ZFAND3: variants seen among roughly 807,000 people sequenced by gnomAD.
ZFAND3 encodes zinc finger AN1-type containing 3, also known as AN1-type zinc finger protein 3.
ZFAND3 carries 10 observed loss-of-function variants against 29.6 expected under a neutral mutation model. The observed-to-expected ratio is 0.34, with a 90% CI of 0.21 to 0.57. ZFAND3 has a LOEUF of 0.57. ZFAND3 is among the 20% of genes least tolerant of loss of function. The pLI, the probability that ZFAND3 is intolerant of heterozygous loss-of-function variation, is 0.86. For missense variants in ZFAND3, 230 were observed against 304.5 expected (o/e 0.76, Z 1.82); for synonymous variants, 128 against 112.6 (o/e 1.14, Z -0.87).
chr6:38,112,291 GA>G (rs74628668), intron 4 of ZFAND3, among the ~76,000 whole-genome samples: 1 of 152,136 alleles, frequency 6.6e-6, no homozygotes, highest in South Asian at 2.1e-4. Context: ...AAGCATACTG[GA>G]AAAAAAGAAT....
chr6:38,082,559 T>C, intron 4 of ZFAND3, 102 bp downstream of exon 4: 1 of 1,105,648 alleles, frequency 9.0e-7, no homozygotes, highest in South Asian at 1.4e-5. Flanking sequence ...CTCTGATTTC[T>C]TCCGTCAGTT....
intron 2 of ZFAND3, among the ~76,000 whole-genome samples, chr6:37,980,731 T>G (rs1319662707): frequency 6.6e-6 from 1 of 151,368 alleles, no homozygotes; most frequent in Admixed American, 6.6e-5. Context: ...TTGTCAAGAG[T>G]TTTATGACTT....
rs187715375 is a variant in ZFAND3 at position 38,120,306 on chromosome 6, C to T, written c.529+3567C>T. 1.6e-3 allele frequency among the ~76,000 whole-genome samples: 207 copies of T among 126,430 alleles called. 1 individual carries two copies. Among genetic ancestry groups the T allele is most frequent in the African/African-American group, 5.4e-3 (183 of 33,802 alleles). 82.9% of individuals were successfully genotyped at this position (126,430 alleles called of 152,430 possible). On this transcript the variant is annotated intron_variant, in intron 5 of 5. Transcript: ENST00000287218. The stretch of plus-strand genomic sequence containing the variant: ...CTCTGAGCAGATCTTGATTGATACA[C>T]GTAGCTTGGCTTCCTTTTTTTTTTT...
intron 1 of ZFAND3, among the ~76,000 whole-genome samples, chr6:37,891,079 A>G (rs968430825): frequency 2.6e-5 from 4 of 152,198 alleles, no homozygotes. Flanking sequence ...TCACTTCTCT[A>G]TCCCCCAAAC....
At chr6:37,887,056 A>G (rs115634034) in intron 1 of ZFAND3, among the ~76,000 whole-genome samples, 2,315 of 149,124 alleles carry the variant, frequency 0.016, 28 homozygotes, top group South Asian at 0.049. Flanking sequence ...TCATACTCCT[A>G]TTCCTTAATC....
intron 1 of ZFAND3, among the ~76,000 whole-genome samples, chr6:37,844,203 C>T (rs1038045799): frequency 1.3e-5 from 2 of 152,062 alleles, no homozygotes; most frequent in Admixed American, 6.6e-5. Context: ...GGATTATAGG[C>T]GTGAGCCACT....
At chr6:38,105,667 G>A (rs1030355256) in intron 4 of ZFAND3, among the ~76,000 whole-genome samples, 1 of 152,170 alleles carries the variant, frequency 6.6e-6, no homozygotes, top group African/African-American at 2.4e-5. Flanking sequence ...TGGTTGTGAT[G>A]TTGTACTAGA....
In ZFAND3 at chr6:38,118,902, C is replaced by T. The variant is rs1765473221; in HGVS notation, c.529+2163C>T. On this transcript the variant is annotated intron_variant, in intron 5 of 5. Transcript: ENST00000287218. ...GGGCAGGAGGCTGGATTGCTAAATGCATATTGGGTTTGCTTCAGTATGCAT... is the reference window on the plus strand; with the variant it reads ...GGGCAGGAGGCTGGATTGCTAAATGTATATTGGGTTTGCTTCAGTATGCAT... 1.3e-5 allele frequency among the ~76,000 whole-genome samples: 2 copies of T among 152,118 alleles called. 1 individual carries two copies. The highest frequency in any genetic ancestry group is 4.1e-4 in the South Asian group (2 of 4,824).
intron 1 of ZFAND3, among the ~76,000 whole-genome samples, chr6:37,917,896 A>G (rs1405278316): frequency 1.3e-5 from 2 of 152,210 alleles, no homozygotes; most frequent in Non-Finnish European, 2.9e-5. Context: ...TGAAGTACAA[A>G]TGACATTTAA....
intron 1 of ZFAND3, among the ~76,000 whole-genome samples, chr6:37,840,693 G>A (rs1764057407): frequency 6.6e-6 from 1 of 152,154 alleles, no homozygotes; most frequent in African/African-American, 2.4e-5. Context: ...ACAATATTTA[G>A]TCTTCCTATC....
chr6:38,065,963 A>G (rs1764338485), intron 3 of ZFAND3, among the ~76,000 whole-genome samples: 1 of 152,218 alleles, frequency 6.6e-6, no homozygotes, highest in African/African-American at 2.4e-5. Flanking sequence ...TTTATAAATA[A>G]GGAGGTCACC....
rs1211094088 is a variant in ZFAND3, at chr6:38,152,801, T to C, written c.*412T>C. ...ACGCACATGGCTTTGCCAGAAACTCTGTTTAATGATCGGCCTTTCACCTCT... is the reference window on the plus strand; with the variant it reads ...ACGCACATGGCTTTGCCAGAAACTCCGTTTAATGATCGGCCTTTCACCTCT... On this transcript the variant is annotated 3_prime_UTR_variant, in exon 6 of 6. Coordinates refer to ENST00000287218, the MANE Select transcript of ZFAND3 (RefSeq NM_021943.3). 2.0e-6 allele frequency: 2 copies of C among 988,290 alleles called. No homozygotes were observed. The highest frequency in any genetic ancestry group is 3.5e-5 in the African/African-American group (2 of 57,342). The allele number at this position is 988,290 out of a possible 1,614,324, so 61.2% of individuals were successfully genotyped here.
In ZFAND3 at chr6:38,153,292, A is replaced by G. The variant is rs1367993602; in HGVS notation, c.*903A>G. The G allele has an allele frequency of 1.0e-5, 10 of 985,376 alleles. No individual in the cohort carries two copies. Among genetic ancestry groups the G allele is most frequent in the Non-Finnish European group, 1.2e-5 (10 of 829,954 alleles). 61.0% of individuals were successfully genotyped at this position (985,376 alleles called of 1,614,324 possible). ...TTTTTTAAAAAGACATTTCATAGCC[A>G]ACAAGAATCAGTAGAAGTGCTGGGA... On this transcript the variant is annotated 3_prime_UTR_variant, in exon 6 of 6. Transcript: ENST00000287218.
At chr6:38,146,255 T>A (rs1447929390) in intron 5 of ZFAND3, among the ~76,000 whole-genome samples, 1 of 152,160 alleles carries the variant, frequency 6.6e-6, no homozygotes, top group East Asian at 1.9e-4. Flanking sequence ...TCCCCCCAGA[T>A]CACAGGGGGT....
In ZFAND3 at chr6:38,153,525, G is replaced by A; in HGVS notation, c.*1136G>A. The A allele has an allele frequency of 1.0e-6, 1 of 985,620 alleles. No homozygotes were observed. Among genetic ancestry groups the A allele is most frequent in the Non-Finnish European group, 1.2e-6 (1 of 830,032 alleles). 61.1% of individuals were successfully genotyped at this position (985,620 alleles called of 1,614,324 possible). A position where few individuals can be genotyped will look rare whatever the true frequency, so the allele number is the denominator to read the frequency against. ...TCCCAGGGACAGTGGGTTTGGATCT[G>A]TCTAGAACAGCGGTTTGTGGCTGTG... On this transcript the variant is annotated 3_prime_UTR_variant, in exon 6 of 6. Coordinates refer to ENST00000287218, the MANE Select transcript of ZFAND3 (RefSeq NM_021943.3).
intron 2 of ZFAND3, among the ~76,000 whole-genome samples, chr6:38,045,799 G>A (rs1323722684): frequency 6.6e-6 from 1 of 152,118 alleles, no homozygotes; most frequent in Admixed American, 6.5e-5. Flanking sequence ...ACCAAGATGA[G>A]GAATTTGAAC....
In ZFAND3 at chr6:38,153,102, G is replaced by A; in HGVS notation, c.*713G>A. 1.0e-6 allele frequency: 1 copy of A among 985,564 alleles called. No individual in the cohort carries two copies. Among genetic ancestry groups the A allele is most frequent in the Non-Finnish European group, 1.2e-6 (1 of 829,964 alleles). The allele number at this position is 985,564 out of a possible 1,614,324, so 61.1% of individuals were successfully genotyped here. ...GAACGAGACCCGCCTTTTCTACACA[G>A]GATCCAAGGTCACGAGAAGCAGCCA... On this transcript the variant is annotated 3_prime_UTR_variant, in exon 6 of 6. Transcript: ENST00000287218.
intron 1 of ZFAND3, among the ~76,000 whole-genome samples, chr6:37,886,320 A>G (rs1302894670): frequency 6.6e-6 from 1 of 151,526 alleles, no homozygotes; most frequent in Non-Finnish European, 1.5e-5. Context: ...TGATTACTAC[A>G]ACCAACCTTA....
intron 1 of ZFAND3, among the ~76,000 whole-genome samples, chr6:37,877,337 G>A (rs1764811967): frequency 6.6e-6 from 1 of 152,232 alleles, no homozygotes; most frequent in South Asian, 2.1e-4. Context: ...TGTTTCCTTG[G>A]TAGCTGGTTG....
Sources: allele counts gnomAD v4.1 joint callset (sites outside exome capture counted in the v4.1 genomes callset), GRCh38; gene constraint gnomAD v4.1.1; transcripts MANE v1.5; gene names NCBI Gene and HGNC (gene_info 2026-07-23, HGNC 2026-07-21).